The following FUNDC2 variants were observed in gnomAD, a reference collection of about 807,000 sequenced individuals.
The protein encoded by FUNDC2 is FUN14 domain containing 2.
A neutral mutation model predicts 15.6 loss-of-function variants in FUNDC2; 4 were observed. The observed-to-expected ratio is 0.26, with a 90% CI of 0.13 to 0.59. The LOEUF (loss-of-function observed/expected upper bound fraction) is 0.59. Among genes scored for constraint, FUNDC2 ranks in the 20% least tolerant of loss-of-function variants. FUNDC2 has a pLI of 0.90. For missense variants in FUNDC2, 98 were observed against 149.7 expected, an observed-to-expected ratio of 0.65 and a Z score of 1.80; for synonymous variants, 44 against 56.9, an observed-to-expected ratio of 0.77 and a Z score of 1.02.
chrX:155,036,157 C>T (rs2073830208), intron 2 of FUNDC2, among the ~76,000 whole-genome samples: 1 of 112,309 alleles, frequency 8.9e-6, no homozygotes, highest in Non-Finnish European at 1.9e-5. Context: ...TCCAGTTCCT[C>T]TGCATCCTTA....
rs1326557141 is a variant in FUNDC2 at position 155,056,703 on chromosome X, C to G, written c.*2031C>G. 1 of 110,972 alleles carries G rather than the reference C, an allele frequency of 9.0e-6. No homozygotes were observed. Among genetic ancestry groups the G allele is most frequent in the Non-Finnish European group, 1.9e-5 (1 of 52,964 alleles). 9.1% of individuals were successfully genotyped at this position (110,972 alleles called of 1,213,427 possible). On this transcript the variant is annotated 3_prime_UTR_variant, in exon 5 of 5. Coordinates refer to ENST00000369498, the MANE Select transcript of FUNDC2 (RefSeq NM_023934.4). ...CAGCCACTTTACCTGTGTGACTTACCCACAGCAATGGGATGGTAACAGCAA... is the reference window on the plus strand; with the variant it reads ...CAGCCACTTTACCTGTGTGACTTACGCACAGCAATGGGATGGTAACAGCAA...
rs781918827 is a variant in FUNDC2, at chrX:155,027,081, GGC to G, written c.133+20_133+21del. On this transcript the variant is annotated intron_variant, in intron 1 of 4. Transcript: ENST00000369498. The stretch of plus-strand genomic sequence containing the variant: ...GCCGCGTCCAGTCAAGGTAAGGGCG[GGC>G]GCGCGCGCGGCCGGCGCCGCGGGGA... 3.4e-5 allele frequency: 38 copies of G among 1,129,200 alleles called. No homozygotes were observed. Among genetic ancestry groups the G allele is most frequent in the Admixed American group, 1.4e-4 (5 of 35,629 alleles). The allele number at this position is 1,129,200 out of a possible 1,213,427, so 93.1% of individuals were successfully genotyped here. A position where few individuals can be genotyped will look rare whatever the true frequency, so the allele number is the denominator to read the frequency against.
chrX:155,041,758 C>A (rs1014366302), intron 2 of FUNDC2, among the ~76,000 whole-genome samples: 2 of 110,697 alleles, frequency 1.8e-5, no homozygotes, highest in Admixed American at 9.6e-5. Context: ...TTTTTTCCCC[C>A]CTTCAGGCTC....
chrX:155,028,433 G>C (rs1557288490), intron 1 of FUNDC2, among the ~76,000 whole-genome samples: 1 of 111,697 alleles, frequency 9.0e-6, no homozygotes, highest in African/African-American at 3.3e-5. Context: ...GTTGATCTAA[G>C]GGGCTTGGTC....
intron 3 of FUNDC2, chrX:155,047,172 T>C (rs969566095): frequency 2.6e-5 from 7 of 264,186 alleles, no homozygotes; most frequent in Non-Finnish European, 4.3e-5. Flanking sequence ...CTCTGTGGCA[T>C]TGGTATTCAA....
rs182087007 is a variant in FUNDC2, at chrX:155,057,163, G to C, written c.*2491G>C. On this transcript the variant is annotated 3_prime_UTR_variant, in exon 5 of 5. Transcript: ENST00000369498. Reference sequence around the variant, plus strand: ...AGCTGCACACCTTGTTTTCAGTTTAGCTGAACCATCGGTGAAGGAGGCTCA... The same window carrying C: ...AGCTGCACACCTTGTTTTCAGTTTACCTGAACCATCGGTGAAGGAGGCTCA... 8.9e-6 allele frequency: 1 copy of C among 111,737 alleles called. No homozygotes were observed. The highest frequency in any genetic ancestry group is 3.3e-5 in the African/African-American group (1 of 30,697). The allele number at this position is 111,737 out of a possible 1,213,427, so 9.2% of individuals were successfully genotyped here.
At position 155,055,644 on chromosome X, in the gene FUNDC2, G is replaced by GCACACACGCA. The variant is rs1222905609; in HGVS notation, c.*979_*988dup. 3.5e-4 allele frequency: 57 copies of GCACACACGCA among 164,021 alleles called. No individual in the cohort carries two copies. In the South Asian group the frequency reaches 0.016, roughly 47 times the overall value. The allele number at this position is 164,021 out of a possible 1,213,427, so 13.5% of individuals were successfully genotyped here. A position where few individuals can be genotyped will look rare whatever the true frequency, so the allele number is the denominator to read the frequency against. On this transcript the variant is annotated 3_prime_UTR_variant, in exon 5 of 5. Transcript: ENST00000369498. ...AGCTTACACACACACACACACACGG[G>GCACACACGCA]CACACACGCACACACAGAATCTTAC... is the stretch of plus-strand genomic sequence containing the variant.
intron 1 of FUNDC2, among the ~76,000 whole-genome samples, chrX:155,032,135 C>G (rs5945131): frequency 0.24 from 25,844 of 109,568 alleles, 2,250 homozygotes; most frequent in South Asian, 0.39. Flanking sequence ...GCCACCATGC[C>G]CAGCTAATTT....
chrX:155,042,972 T>C (rs1248832968), intron 2 of FUNDC2, among the ~76,000 whole-genome samples: 2 of 112,205 alleles, frequency 1.8e-5, no homozygotes, highest in Non-Finnish European at 3.8e-5. Flanking sequence ...TTTCTTGTTC[T>C]GTTGCTTAGG....
At chrX:155,054,075 A>AG (rs2073886510) in intron 4 of FUNDC2, 1 of 751,313 alleles carries the variant, frequency 1.3e-6, no homozygotes, top group Admixed American at 8.9e-5. Context: ...GTGAAGTGTG[A>AG]GAATGAGAAT....
Position 155,054,635 on chromosome X carries a change from G to A in FUNDC2, c.533G>A (p.Gly178Glu). The change falls in exon 5 of 5, where the codon GGA becomes GAA. Residue 178 changes from glycine (G) to glutamate (E), a missense_variant. Transcript: ENST00000369498. ...AAGAAGAATGTTCTAGTAACTGGGG[G>A]ATTTTTCGGAGGCTTTCTGCTTGGC... is the stretch of plus-strand genomic sequence containing the variant. ...FVKKNVLVTG[G>E]FFGGFLLGMA... The A allele has an allele frequency of 2.2e-5, 27 of 1,211,126 alleles. No homozygotes were observed. The highest frequency in any genetic ancestry group is 3.0e-5 in the Non-Finnish European group (27 of 895,103).
chrX:155,029,755 AAAAAAAAAAAAAAAAG>A (rs1281101429), intron 1 of FUNDC2, among the ~76,000 whole-genome samples: 1 of 19,123 alleles, frequency 5.2e-5, no homozygotes, highest in Non-Finnish European at 7.2e-5. Flanking sequence ...CTCTATCTCA[AAAAAAAAAAAAAAAAG>A]AAAAAAGAAA....
At position 155,056,790 on chromosome X, in the gene FUNDC2, C is replaced by G. The variant is rs1401386747; in HGVS notation, c.*2118C>G. 9.0e-6 allele frequency: 1 copy of G among 111,635 alleles called. No homozygotes were observed. Among genetic ancestry groups the G allele is most frequent in the Non-Finnish European group, 1.9e-5 (1 of 53,148 alleles). The allele number at this position is 111,635 out of a possible 1,213,427, so 9.2% of individuals were successfully genotyped here. A position where few individuals can be genotyped will look rare whatever the true frequency, so the allele number is the denominator to read the frequency against. On this transcript the variant is annotated 3_prime_UTR_variant, in exon 5 of 5. Transcript: ENST00000369498. ...TGTGGGGAGACTGGCCACCCAATGC[C>G]TCTCCAGTGGGGTAGGGGTTGTCTT...
chrX:155,050,867 G>T (rs2073877771), intron 3 of FUNDC2: 1 of 111,617 alleles, frequency 9.0e-6, no homozygotes, highest in Admixed American at 9.5e-5. Context: ...AGTCTGTTTG[G>T]GTGACTGGTG....
chrX:155,054,688 G>C lies in FUNDC2; in HGVS notation c.*16G>C. 8.4e-7 allele frequency: 1 copy of C among 1,186,644 alleles called. No homozygotes were observed. Among genetic ancestry groups the C allele is most frequent in the African/African-American group, 1.7e-5 (1 of 57,187 alleles). On this transcript the variant is annotated 3_prime_UTR_variant, in exon 5 of 5. Coordinates refer to ENST00000369498, the MANE Select transcript of FUNDC2 (RefSeq NM_023934.4). Reference sequence around the variant, plus strand: ...GGCATCCTAAGGAAGATGACCTCATGTTCATTGTTCCTGGTTTTTTCCAGC... The same window carrying C: ...GGCATCCTAAGGAAGATGACCTCATCTTCATTGTTCCTGGTTTTTTCCAGC...
chrX:155,054,804 C>T lies in FUNDC2; in HGVS notation c.*132C>T. On this transcript the variant is annotated 3_prime_UTR_variant, in exon 5 of 5. Coordinates refer to ENST00000369498, the MANE Select transcript of FUNDC2 (RefSeq NM_023934.4). ...CTGCCATGGCAAATCTGAGTGGCTT[C>T]TCTAAGCATCTGCTGGTACAAGTCA... The T allele has an allele frequency of 1.8e-6, 1 of 541,507 alleles. No homozygotes were observed. Among genetic ancestry groups the T allele is most frequent in the Non-Finnish European group, 3.2e-6 (1 of 314,451 alleles). The allele number at this position is 541,507 out of a possible 1,213,427, so 44.6% of individuals were successfully genotyped here. A position where few individuals can be genotyped will look rare whatever the true frequency, so the allele number is the denominator to read the frequency against.
intron 3 of FUNDC2, 38 bp downstream of exon 3, chrX:155,046,622 C>T: frequency 9.4e-7 from 1 of 1,064,915 alleles, no homozygotes; most frequent in Non-Finnish European, 1.3e-6. Context: ...TTGGAAATTC[C>T]ACCTGCCCAT....
chrX:155,049,727 T>C (rs1272195738), intron 3 of FUNDC2: 2 of 112,504 alleles, frequency 1.8e-5, no homozygotes, highest in East Asian at 5.5e-4. Flanking sequence ...GTACATGATG[T>C]GTCTCTCCAT....
intron 1 of FUNDC2, among the ~76,000 whole-genome samples, chrX:155,031,526 C>A (rs985860178): frequency 3.6e-5 from 4 of 111,649 alleles, no homozygotes; most frequent in African/African-American, 1.3e-4. Flanking sequence ...AACAGGGTTT[C>A]ACCATGTTGG....
Sources: gnomAD v4.1 joint callset for allele counts (sites outside exome capture counted in the v4.1 genomes callset) on GRCh38, gnomAD v4.1.1 for gene constraint, MANE v1.5 for transcripts, NCBI Gene and HGNC (gene_info 2026-07-23, HGNC 2026-07-21) for gene names.